Variants in LGR4 observed in about 807,000 individuals in gnomAD.
The protein encoded by LGR4 is leucine-rich repeat-containing G protein-coupled receptor 4.
LGR4 carries 44 observed loss-of-function variants against 84.8 expected under a neutral mutation model. The ratio of observed to expected loss-of-function variants is 0.52; its 90% confidence interval spans 0.41 to 0.67. The LOEUF is 0.67. LGR4 is among the 30% of genes least tolerant of loss of function. LGR4 has a pLI of 0.00. For synonymous variants in LGR4, 429 were observed against 434.3 expected, an observed-to-expected ratio of 0.99 and a Z score of 0.15; for missense variants, 1,032 against 1,131.4, an observed-to-expected ratio of 0.91 and a Z score of 1.26.
rs142006990 is a variant in LGR4 at position 27,368,745 on chromosome 11, T to G, written c.1978A>C (p.Lys660Gln). ...IMKNGKSNHL[K>Q]QFRVAALLAF... ...AAAAGGGCAGCAACCCGGAACTGTT[T>G]GAGATGATTGCTCTTCCCATTTTTC... Residue 660 changes from lysine (K) to glutamine (Q), a missense_variant, in exon 18 of 18, where the codon AAA (lysine) becomes CAA (glutamine). Coordinates refer to ENST00000379214, the MANE Select transcript of LGR4 (RefSeq NM_018490.5). 39 of 1,613,764 alleles carry G rather than the reference T, an allele frequency of 2.4e-5. No homozygotes were observed. The African/African-American group carries it at 4.5e-4, about 19-fold the overall frequency.
intron 2 of LGR4, among the ~76,000 whole-genome samples, chr11:27,407,635 T>C (rs772430612): frequency 2.5e-4 from 38 of 152,172 alleles, no homozygotes; most frequent in African/African-American, 8.4e-4. Flanking sequence ...GAACCAGATA[T>C]AGTTTATTAT....
At chr11:27,404,667 A>G (rs1863568720) in intron 2 of LGR4, among the ~76,000 whole-genome samples, 1 of 152,098 alleles carries the variant, frequency 6.6e-6, no homozygotes, top group South Asian at 2.1e-4. Flanking sequence ...AAACAGAGTG[A>G]TGGTGCAAGG....
At chr11:27,466,977 G>A (rs1864788259) in intron 1 of LGR4, among the ~76,000 whole-genome samples, 1 of 151,732 alleles carries the variant, frequency 6.6e-6, no homozygotes, top group African/African-American at 2.4e-5. Context: ...GTAGAGACGG[G>A]GTTTCACCAT....
chr11:27,383,511 G>A (rs534010986), intron 6 of LGR4, among the ~76,000 whole-genome samples: 9 of 152,278 alleles, frequency 5.9e-5, no homozygotes, highest in Middle Eastern at 3.4e-3. Flanking sequence ...TATATCCATT[G>A]ATGTTTCCTA....
Position 27,368,963 on chromosome 11 carries a change from A to G in LGR4, c.1760T>C (p.Met587Thr). 1 of 1,614,154 alleles carries G rather than the reference A, an allele frequency of 6.2e-7. No homozygotes were observed. Among genetic ancestry groups the G allele is most frequent in the Non-Finnish European group, 8.5e-7 (1 of 1,179,990 alleles). Residue 587 changes from methionine to threonine, a missense_variant, in exon 18 of 18, where the codon ATG becomes ACG. Transcript: ENST00000379214. Reference sequence around the variant, plus strand: ...AGTTAGGATGCCAGTATAGATTCCCATGAATAAGTTAGACACAGAAATCAA... The same window carrying G: ...AGTTAGGATGCCAGTATAGATTCCCGTGAATAAGTTAGACACAGAAATCAA... ...IGLISVSNLF[M>T]GIYTGILTFL...
chr11:27,403,447 A>G (rs912734919), intron 2 of LGR4, among the ~76,000 whole-genome samples: 10 of 152,230 alleles, frequency 6.6e-5, no homozygotes, highest in Non-Finnish European at 1.3e-4. Context: ...TGTCTCAAAA[A>G]AACAGAAAGT....
At chr11:27,449,361 T>C (rs2133442021) in intron 1 of LGR4, among the ~76,000 whole-genome samples, 1 of 152,274 alleles carries the variant, frequency 6.6e-6, no homozygotes, top group African/African-American at 2.4e-5. Flanking sequence ...GGTAAGATGA[T>C]CATTTGAGCT....
chr11:27,418,406 A>T (rs1371811821), intron 1 of LGR4, among the ~76,000 whole-genome samples: 1 of 152,214 alleles, frequency 6.6e-6, no homozygotes, highest in Non-Finnish European at 1.5e-5. Flanking sequence ...ACCAAGTGTC[A>T]CAATAGACAC....
chr11:27,414,993 T>C (rs1427556206), intron 1 of LGR4, among the ~76,000 whole-genome samples: 2 of 152,210 alleles, frequency 1.3e-5, no homozygotes, highest in African/African-American at 2.4e-5. Flanking sequence ...AGAATGTTTC[T>C]GAAAAGTTTA....
chr11:27,391,147 C>G lies in LGR4; in HGVS notation c.348G>C (p.Gln116His), dbSNP rs149706958. 2 of 1,606,846 alleles carry G rather than the reference C, an allele frequency of 1.2e-6. No homozygotes were observed. ...TGGCTTCACTGGGTACTGTTTTCAA[C>G]TGATTATTCTGGAGCGTTCTGAAAG... is the stretch of plus-strand genomic sequence containing the variant. ...ELKVLTLQNN[Q>H]LKTVPSEAIR... The change falls in exon 4 of 18, where the codon CAG becomes CAC. Residue 116 changes from glutamine to histidine, a missense_variant. Gln to His is a conservative substitution (Grantham distance 24). Coordinates refer to ENST00000379214, the MANE Select transcript of LGR4 (RefSeq NM_018490.5).
chr11:27,412,769 T>G lies in LGR4; in HGVS notation c.257+20A>C. 7.1e-7 allele frequency: 1 copy of G among 1,417,446 alleles called. No homozygotes were observed. Among genetic ancestry groups the G allele is most frequent in the Non-Finnish European group, 1.0e-6 (1 of 1,001,590 alleles). 87.8% of individuals were successfully genotyped at this position (1,417,446 alleles called of 1,614,324 possible). A position where few individuals can be genotyped will look rare whatever the true frequency, so the allele number is the denominator to read the frequency against. On this transcript the variant is annotated intron_variant, in intron 2 of 17. Coordinates refer to ENST00000379214, the MANE Select transcript of LGR4 (RefSeq NM_018490.5). Reference sequence around the variant, plus strand: ...TTGGGGAAAAAGACATACACACACATTTCTCAAAGTAATACTTACAGCTCT... The same window carrying G: ...TTGGGGAAAAAGACATACACACACAGTTCTCAAAGTAATACTTACAGCTCT...
chr11:27,395,127 T>C (rs1863363527), intron 2 of LGR4, among the ~76,000 whole-genome samples: 1 of 152,058 alleles, frequency 6.6e-6, no homozygotes, highest in Admixed American at 6.5e-5. Flanking sequence ...AAGATCAAAT[T>C]GCACCATAAA....
chr11:27,378,460 G>C (rs865810705), intron 11 of LGR4, among the ~76,000 whole-genome samples: 2 of 152,132 alleles, frequency 1.3e-5, no homozygotes, highest in Admixed American at 6.5e-5. Flanking sequence ...AACCTATCTT[G>C]GTTTTACTTT....
intron 1 of LGR4, among the ~76,000 whole-genome samples, chr11:27,438,677 T>G (rs953443733): frequency 2.0e-5 from 3 of 152,168 alleles, no homozygotes; most frequent in African/African-American, 7.2e-5. Flanking sequence ...CTGTTGAAGG[T>G]TAGAAAACAA....
At chr11:27,385,111 T>C in intron 5 of LGR4, 142 bp downstream of exon 5, 2 of 583,928 alleles carry the variant, frequency 3.4e-6, no homozygotes, top group Non-Finnish European at 6.0e-6. Flanking sequence ...TTCTGTTTAA[T>C]ATTGTACAAA....
intron 1 of LGR4, among the ~76,000 whole-genome samples, chr11:27,471,422 G>C (rs1339835047): frequency 6.6e-6 from 1 of 152,192 alleles, no homozygotes; most frequent in African/African-American, 2.4e-5. Context: ...GCCTTGTTGG[G>C]TAAGAGCATG....
At chr11:27,378,050 C>T (rs1007468592) in intron 11 of LGR4, among the ~76,000 whole-genome samples, 3 of 152,050 alleles carry the variant, frequency 2.0e-5, no homozygotes, top group Non-Finnish European at 4.4e-5. Flanking sequence ...TAGAAGAAAC[C>T]ACCGAGGTTT....
chr11:27,451,268 T>C (rs150621931), intron 1 of LGR4, among the ~76,000 whole-genome samples: 2 of 152,264 alleles, frequency 1.3e-5, no homozygotes, highest in African/African-American at 2.4e-5. Context: ...ACACCACTAT[T>C]TTAATGAAGA....
chr11:27,393,306 G>C (rs910521447), intron 2 of LGR4, among the ~76,000 whole-genome samples: 5 of 152,102 alleles, frequency 3.3e-5, no homozygotes, highest in South Asian at 2.1e-4. Context: ...TTGTAGACAG[G>C]TGAAGTGAAG....
Sources: allele counts gnomAD v4.1 joint callset (sites outside exome capture counted in the v4.1 genomes callset), GRCh38; gene constraint gnomAD v4.1.1; transcripts MANE v1.5; gene names NCBI Gene and HGNC (gene_info 2026-07-23, HGNC 2026-07-21).